The following TMEM108 variants were observed in gnomAD, a reference collection of about 807,000 sequenced individuals.
TMEM108 encodes transmembrane protein 108.
A neutral mutation model predicts 35.1 loss-of-function variants in TMEM108; 12 were observed. The observed-to-expected ratio is 0.34, with a 90% CI of 0.22 to 0.55. The LOEUF is 0.55. TMEM108 is among the 20% of genes least tolerant of loss of function. The pLI is 0.89. For missense variants in TMEM108, 680 were observed against 753.3 expected (o/e 0.90, Z 1.14); for synonymous variants, 287 against 308.6 (o/e 0.93, Z 0.73).
At chr3:133,077,657 GA>G (rs1943758368) in intron 2 of TMEM108, among the ~76,000 whole-genome samples, 1 of 152,218 alleles carries the variant, frequency 6.6e-6, no homozygotes, top group Admixed American at 6.5e-5. Context: ...AGGCAGAAAT[GA>G]AAGCACTTTC....
chr3:133,045,895 T>C lies in TMEM108; in HGVS notation c.-165-7T>C, dbSNP rs1452901968. On this transcript the variant is annotated splice_region_variant and splice_polypyrimidine_tract_variant and intron_variant, in intron 1 of 5. Transcript: ENST00000321871. The stretch of plus-strand genomic sequence containing the variant: ...CTAATGCATTTTTTCATTTTCATCT[T>C]TGCCAGTTGGTGATAGATTGGTGGT... The C allele has an allele frequency of 1.3e-5, 2 of 152,668 alleles. No homozygotes were observed. Among genetic ancestry groups the C allele is most frequent in the Non-Finnish European group, 2.9e-5 (2 of 68,044 alleles). 9.5% of individuals were successfully genotyped at this position (152,668 alleles called of 1,614,324 possible).
At chr3:133,371,628 A>C (rs1047628631) in intron 3 of TMEM108, among the ~76,000 whole-genome samples, 3 of 151,224 alleles carry the variant, frequency 2.0e-5, no homozygotes, top group African/African-American at 7.3e-5. Context: ...AAAAAAAAAA[A>C]AAAAAAAAAA....
At chr3:133,383,091 T>C (rs1188466470) in intron 4 of TMEM108, among the ~76,000 whole-genome samples, 2 of 152,252 alleles carry the variant, frequency 1.3e-5, no homozygotes, top group African/African-American at 4.8e-5. Flanking sequence ...AATGTAGCCC[T>C]ATTAGCCAAT....
chr3:133,045,374 TCTCA>T (rs1311811037), intron 1 of TMEM108, among the ~76,000 whole-genome samples: 2 of 152,212 alleles, frequency 1.3e-5, no homozygotes, highest in African/African-American at 2.4e-5. Context: ...TGTGCTAGTG[TCTCA>T]CTCAGAACCC....
intron 3 of TMEM108, among the ~76,000 whole-genome samples, chr3:133,280,116 G>A (rs1410032743): frequency 6.6e-6 from 1 of 152,096 alleles, no homozygotes; most frequent in Non-Finnish European, 1.5e-5. Context: ...GTGAGGTGGT[G>A]TTTCTTCTCC....
At chr3:133,276,910 G>C (rs1387545810) in intron 3 of TMEM108, among the ~76,000 whole-genome samples, 1 of 152,170 alleles carries the variant, frequency 6.6e-6, no homozygotes, top group Non-Finnish European at 1.5e-5. Flanking sequence ...GCAGAAGCAG[G>C]TGGCAAATTT....
intron 2 of TMEM108, among the ~76,000 whole-genome samples, chr3:133,186,438 C>A (rs944478342): frequency 2.0e-5 from 3 of 152,184 alleles, no homozygotes; most frequent in Non-Finnish European, 4.4e-5. Flanking sequence ...AACGTGCCTA[C>A]AAAGCTGCGT....
chr3:133,059,248 A>T (rs1190199311), intron 2 of TMEM108, among the ~76,000 whole-genome samples: 1 of 152,218 alleles, frequency 6.6e-6, no homozygotes, highest in Non-Finnish European at 1.5e-5. Context: ...GGGGAACACA[A>T]ACATTCAGTC....
At chr3:133,083,491 G>A (rs754098926) in intron 2 of TMEM108, among the ~76,000 whole-genome samples, 32 of 152,188 alleles carry the variant, frequency 2.1e-4, no homozygotes, top group Non-Finnish European at 4.1e-4. Flanking sequence ...CTTCCTCTCT[G>A]GTTTAATACT....
intron 2 of TMEM108, among the ~76,000 whole-genome samples, chr3:133,053,105 G>A (rs992712530): frequency 6.6e-6 from 1 of 152,278 alleles, no homozygotes; most frequent in South Asian, 2.1e-4. Flanking sequence ...GGGATCAGGA[G>A]AATCAGGGTC....
At chr3:133,268,207 G>C (rs1277252930) in intron 3 of TMEM108, among the ~76,000 whole-genome samples, 1 of 152,238 alleles carries the variant, frequency 6.6e-6, no homozygotes, top group Non-Finnish European at 1.5e-5. Context: ...AGGCTTCTTG[G>C]ACAGTATGGA....
intron 2 of TMEM108, among the ~76,000 whole-genome samples, chr3:133,197,841 C>T (rs573813428): frequency 4.6e-5 from 7 of 152,258 alleles, no homozygotes; most frequent in African/African-American, 1.7e-4. Flanking sequence ...GAAGTGACCA[C>T]CAAAAGTCTT....
chr3:133,182,239 G>T (rs1352768856), intron 2 of TMEM108, among the ~76,000 whole-genome samples: 3 of 152,198 alleles, frequency 2.0e-5, no homozygotes, highest in Non-Finnish European at 4.4e-5. Flanking sequence ...GGCAAGGAAG[G>T]TTAACTTTTC....
chr3:133,223,079 T>A (rs1007742433), intron 2 of TMEM108, among the ~76,000 whole-genome samples: 2 of 152,134 alleles, frequency 1.3e-5, no homozygotes, highest in East Asian at 3.9e-4. Context: ...AGTTTATAAG[T>A]CTCTGTTTCT....
At chr3:133,273,772 A>G (rs773014589) in intron 3 of TMEM108, among the ~76,000 whole-genome samples, 28 of 152,360 alleles carry the variant, frequency 1.8e-4, no homozygotes, top group Non-Finnish European at 3.4e-4. Flanking sequence ...AACGGAAGAA[A>G]TAGATTAGCC....
chr3:133,144,977 A>G (rs1944696099), intron 2 of TMEM108, among the ~76,000 whole-genome samples: 1 of 152,014 alleles, frequency 6.6e-6, no homozygotes, highest in African/African-American at 2.4e-5. Context: ...ATTAGATCCC[A>G]TTTGTCAATG....
intron 3 of TMEM108, among the ~76,000 whole-genome samples, chr3:133,289,910 C>T (rs927967606): frequency 3.3e-5 from 5 of 152,098 alleles, no homozygotes; most frequent in African/African-American, 1.2e-4. Flanking sequence ...CTGGCTCACC[C>T]CCCTCATTAG....
intron 2 of TMEM108, chr3:133,124,802 G>A (rs570712135): frequency 6.6e-6 from 1 of 152,346 alleles, no homozygotes; most frequent in South Asian, 2.1e-4. Context: ...ATGTTTCCCT[G>A]ATTGGAACAA....
intron 3 of TMEM108, among the ~76,000 whole-genome samples, chr3:133,365,631 T>C (rs2072481863): frequency 6.6e-6 from 1 of 152,118 alleles, no homozygotes; most frequent in African/African-American, 2.4e-5. Flanking sequence ...CATCCCCAAG[T>C]TGGGTTGTGG....
Sources: gnomAD v4.1 joint callset for allele counts (sites outside exome capture counted in the v4.1 genomes callset) on GRCh38, gnomAD v4.1.1 for gene constraint, MANE v1.5 for transcripts, NCBI Gene and HGNC (gene_info 2026-07-23, HGNC 2026-07-21) for gene names.